Variants in DYNC1LI2 observed in about 807,000 individuals in gnomAD.
The protein encoded by DYNC1LI2 is dynein cytoplasmic 1 light intermediate chain 2.
Under a neutral mutation model 57.8 loss-of-function variants are expected in DYNC1LI2, and 19 were observed. That is an observed-to-expected ratio of 0.33 (90% confidence interval 0.23 to 0.48). DYNC1LI2 has a LOEUF of 0.48. DYNC1LI2 is among the 20% of genes least tolerant of loss of function. The probability of loss-of-function intolerance (pLI) is 0.99; values close to 1 mark genes in which losing one functional copy is unlikely to be tolerated. For missense variants in DYNC1LI2, 470 were observed against 604.2 expected, an observed-to-expected ratio of 0.78 and a Z score of 2.33; for synonymous variants, 256 against 233.4, an observed-to-expected ratio of 1.10 and a Z score of -0.88.
chr16:66,736,227 C>G lies in DYNC1LI2; in HGVS notation c.547G>C (p.Asp183His). The G allele has an allele frequency of 6.2e-7, 1 of 1,612,460 alleles. No homozygotes were observed. Among genetic ancestry groups the G allele is most frequent in the Non-Finnish European group, 8.5e-7 (1 of 1,179,054 alleles). Residue 183 changes from aspartate to histidine, a missense_variant, in exon 5 of 13, where the codon GAC becomes CAC. By Grantham distance (81) the Asp-to-His change is moderately conservative. Coordinates refer to ENST00000258198, the MANE Select transcript of DYNC1LI2 (RefSeq NM_006141.3). ...CAACCTTCTTCAGGTTCCATATAGT[C>G]TTGAAAATCTTTCACAACTGGGGGA... Reference protein sequence around the residue: ...LERKFVKDFQDYMEPEEGCQG... With the variant: ...LERKFVKDFQHYMEPEEGCQG...
chr16:66,744,662 C>T (rs771119896), intron 3 of DYNC1LI2, among the ~76,000 whole-genome samples: 3 of 151,732 alleles, frequency 2.0e-5, no homozygotes, highest in Admixed American at 6.6e-5. Flanking sequence ...CAGGTTCAAG[C>T]GATTTTCCTG....
Position 66,731,980 on chromosome 16 carries a change from C to T in DYNC1LI2, c.929+359G>A, listed in dbSNP as rs188869661. ...TGCCGAGAGGATGTTTGCAGTCATC[C>T]CTGCCAACACACAGATAAAGCAGGC... On this transcript the variant is annotated intron_variant, in intron 7 of 12. Coordinates refer to ENST00000258198, the MANE Select transcript of DYNC1LI2 (RefSeq NM_006141.3). The T allele has an allele frequency of 2.1e-3, 398 of 188,968 alleles. 10 individuals are homozygous for T. In the East Asian group the frequency reaches 0.049, roughly 23 times the overall value. The allele number at this position is 188,968 out of a possible 1,614,324, so 11.7% of individuals were successfully genotyped here.
chr16:66,744,779 C>T (rs972584191), intron 3 of DYNC1LI2, among the ~76,000 whole-genome samples: 3 of 152,120 alleles, frequency 2.0e-5, no homozygotes, highest in African/African-American at 7.2e-5. Flanking sequence ...AGGCTGGTCT[C>T]GAACTCCTGA....
chr16:66,732,114 T>A, intron 7 of DYNC1LI2: 1 of 500,412 alleles, frequency 2.0e-6, no homozygotes. Context: ...CTGGCTTAGG[T>A]TTTGGCAACT....
chr16:66,725,161 C>G (rs1180512670), intron 12 of DYNC1LI2, among the ~76,000 whole-genome samples: 2 of 132,180 alleles, frequency 1.5e-5, no homozygotes, highest in African/African-American at 5.7e-5. Flanking sequence ...GGCGACAGAG[C>G]AAGACTCCAT....
rs571561370 is a variant in DYNC1LI2, at chr16:66,723,348, A to G, written c.*374T>C. ...CCCAAGAACAAGTGAATTTACTAAC[A>G]TGAAACTGGTCAGACTAACCATCAT... On this transcript the variant is annotated 3_prime_UTR_variant, in exon 13 of 13. Coordinates refer to ENST00000258198, the MANE Select transcript of DYNC1LI2 (RefSeq NM_006141.3). 1 of 462,396 alleles carries G rather than the reference A, an allele frequency of 2.2e-6. No homozygotes were observed. Among genetic ancestry groups the G allele is most frequent in the Non-Finnish European group, 4.3e-6 (1 of 230,828 alleles). The allele number at this position is 462,396 out of a possible 1,614,324, so 28.6% of individuals were successfully genotyped here. A position where few individuals can be genotyped will look rare whatever the true frequency, so the allele number is the denominator to read the frequency against.
At chr16:66,736,368 A>G in intron 4 of DYNC1LI2, 124 bp from the exon 5 acceptor site, 1 of 1,151,188 alleles carries the variant, frequency 8.7e-7, no homozygotes, top group South Asian at 1.6e-5. Context: ...CAAACTTCTT[A>G]GTCACATCCA....
chr16:66,742,131 C>A (rs868834101), intron 4 of DYNC1LI2, among the ~76,000 whole-genome samples: 14 of 152,164 alleles, frequency 9.2e-5, no homozygotes, highest in African/African-American at 3.4e-4. Context: ...CAGAGAGTAA[C>A]AGAAAAGCAC....
rs753063973 is a variant in DYNC1LI2, at chr16:66,723,698, G to A, written c.*24C>T. ...AATATACATAGTTATTTGGTCATTC[G>A]ACATATGCACTTTTTAAGGAGGTTC... On this transcript the variant is annotated 3_prime_UTR_variant, in exon 13 of 13. Transcript: ENST00000258198. 31 of 1,585,366 alleles carry A rather than the reference G, an allele frequency of 2.0e-5. No homozygotes were observed. Among genetic ancestry groups the A allele is most frequent in the Non-Finnish European group, 2.6e-5 (30 of 1,169,248 alleles).
chr16:66,734,457 A>G, intron 5 of DYNC1LI2, 146 bp from the exon 6 acceptor site: 1 of 774,926 alleles, frequency 1.3e-6, no homozygotes, highest in Non-Finnish European at 2.0e-6. Flanking sequence ...AGAGTAAAAA[A>G]GAACCGGAGA....
intron 4 of DYNC1LI2, among the ~76,000 whole-genome samples, chr16:66,737,172 G>C (rs138559425): frequency 6.6e-6 from 1 of 152,126 alleles, no homozygotes; most frequent in East Asian, 1.9e-4. Context: ...TTGGGGACTC[G>C]TGCTAAGGCA....
chr16:66,751,129 C>T lies in DYNC1LI2; in HGVS notation c.181+144G>A, dbSNP rs959667069. The T allele has an allele frequency of 2.2e-5, 21 of 944,088 alleles. No homozygotes were observed. In the South Asian group the frequency reaches 3.1e-4, roughly 14 times the overall value. 58.5% of individuals were successfully genotyped at this position (944,088 alleles called of 1,614,324 possible). A position where few individuals can be genotyped will look rare whatever the true frequency, so the allele number is the denominator to read the frequency against. On this transcript the variant is annotated intron_variant, in intron 2 of 12. Transcript: ENST00000258198. This position sits in a 1 kb window ranked among gnomAD's most constrained non-coding sequence, Gnocchi z 5.2. ...CAGGCGCTGGAGGCTTGACCACTCT[C>T]CAGCTGACCGGCCAGGGCCGACGGT...
intron 3 of DYNC1LI2, among the ~76,000 whole-genome samples, chr16:66,746,642 C>T (rs2017940219): frequency 1.3e-5 from 2 of 152,154 alleles, no homozygotes; most frequent in African/African-American, 4.8e-5. Context: ...CTTATGGTAT[C>T]TTGAAACAGA....
chr16:66,741,663 C>A (rs1043295615), intron 4 of DYNC1LI2, among the ~76,000 whole-genome samples: 1 of 152,106 alleles, frequency 6.6e-6, no homozygotes, highest in African/African-American at 2.4e-5. Context: ...GTCAAGCTTG[C>A]CCCGGCCAGG....
At chr16:66,730,050 G>A (rs956670611) in intron 8 of DYNC1LI2, 62 bp downstream of exon 8, 1 of 1,454,870 alleles carries the variant, frequency 6.9e-7, no homozygotes, top group African/African-American at 1.4e-5. Context: ...CAAAGTGCTG[G>A]GATTACAGGC....
intron 3 of DYNC1LI2, among the ~76,000 whole-genome samples, chr16:66,747,566 G>A (rs2017959577): frequency 6.6e-6 from 1 of 151,396 alleles, no homozygotes; most frequent in Middle Eastern, 3.4e-3. Flanking sequence ...TATAAAGAAA[G>A]TAATTTTTTT....
chr16:66,728,070 C>T (rs868232162), intron 10 of DYNC1LI2, 131 bp downstream of exon 10: 1 of 1,299,836 alleles, frequency 7.7e-7, no homozygotes, highest in South Asian at 1.3e-5. Flanking sequence ...GGTCATGGGT[C>T]TTTAGGGAAA....
rs774466067 is a variant in DYNC1LI2 at position 66,728,288 on chromosome 16, A to G, written c.1102-46T>C. On this transcript the variant is annotated intron_variant, in intron 9 of 12. Coordinates refer to ENST00000258198, the MANE Select transcript of DYNC1LI2 (RefSeq NM_006141.3). The stretch of plus-strand genomic sequence containing the variant: ...TGGCTATTAACCAAGGCCTGCAGAG[A>G]GCACTGAAGGTCTAGAGAAAAACTT... The G allele has an allele frequency of 9.3e-6, 15 of 1,611,118 alleles. No homozygotes were observed. The Admixed American group carries it at 2.3e-4, about 25-fold the overall frequency.
rs377674237 is a variant in DYNC1LI2, at chr16:66,732,504, C to T, written c.794-30G>A. 2.9e-5 allele frequency: 47 copies of T among 1,600,864 alleles called. No homozygotes were observed. In the African/African-American group the frequency reaches 5.6e-4, roughly 19 times the overall value. ...TCAATCTGCTCAAGAAAAATCAATT[C>T]ACTGCAGGAGGAGACAAAATCGAAC... On this transcript the variant is annotated intron_variant, in intron 6 of 12. Transcript: ENST00000258198.
Sources: allele counts gnomAD v4.1 joint callset (sites outside exome capture counted in the v4.1 genomes callset), GRCh38; gene constraint gnomAD v4.1.1; non-coding constraint Gnocchi (gnomAD v3.1); transcripts MANE v1.5; gene names NCBI Gene and HGNC (gene_info 2026-07-23, HGNC 2026-07-21).